AFF1: variants seen among roughly 807,000 people sequenced by gnomAD.
AFF1 encodes AF4/FMR2 family member 1.
In AFF1, 48 loss-of-function variants were observed where a neutral mutation model predicts 121.7. That is an observed-to-expected ratio of 0.39 (90% CI 0.31 to 0.50). The LOEUF (loss-of-function observed/expected upper bound fraction) is 0.50. AFF1 is among the 20% of genes least tolerant of loss of function. AFF1 has a pLI of 0.76. For synonymous variants in AFF1, 613 were observed against 563.0 expected (o/e 1.09, Z -1.26); for missense variants, 1,523 against 1,511.7 (o/e 1.01, Z -0.12).
chr4:87,041,385 G>A (rs894925354), intron 2 of AFF1, among the ~76,000 whole-genome samples: 4 of 152,170 alleles, frequency 2.6e-5, no homozygotes, highest in Non-Finnish European at 5.9e-5. Flanking sequence ...CAAAAAGGAT[G>A]TGCTGTCTTT....
In AFF1 at chr4:87,069,372, CCT is replaced by C. The variant is rs34760568; in HGVS notation, c.1060-14744_1060-14743del. On this transcript the variant is annotated intron_variant, in intron 4 of 20. Coordinates refer to ENST00000395146, the MANE Select transcript of AFF1 (RefSeq NM_001166693.3). Reference sequence around the variant, plus strand: ...AGATTATGGATTCATTCTCTCCCTCCCTCTCCTTCTGTCCCCATCTCCTCTCT... The same window carrying C: ...AGATTATGGATTCATTCTCTCCCTCCCTCCTTCTGTCCCCATCTCCTCTCT... Among the ~76,000 whole-genome samples the C allele has an allele frequency of 9.3e-3, 1,376 of 148,394 alleles. 14 individuals are homozygous for C. Among genetic ancestry groups the C allele is most frequent in the Middle Eastern group, 0.018 (5 of 276 alleles).
intron 2 of AFF1, among the ~76,000 whole-genome samples, chr4:86,959,496 T>TG (rs1273748584): frequency 1.5e-5 from 2 of 132,430 alleles, no homozygotes; most frequent in African/African-American, 2.5e-5. Context: ...ATACTCTTTT[T>TG]TTTTTTTTTT....
chr4:87,012,908 C>CT (rs563105833), intron 2 of AFF1, among the ~76,000 whole-genome samples: 89 of 152,212 alleles, frequency 5.8e-4, no homozygotes, highest in African/African-American at 2.0e-3. Flanking sequence ...AAAGCTTAAC[C>CT]TGATGGCCAC....
At chr4:87,034,097 G>T (rs533557154) in intron 2 of AFF1, among the ~76,000 whole-genome samples, 62 of 152,308 alleles carry the variant, frequency 4.1e-4, no homozygotes, top group Admixed American at 5.2e-4. Flanking sequence ...AGCACCTCTG[G>T]TGGCGGGGAC....
intron 2 of AFF1, among the ~76,000 whole-genome samples, chr4:86,978,592 G>T (rs1178281944): frequency 6.6e-6 from 1 of 152,054 alleles, no homozygotes; most frequent in African/African-American, 2.4e-5. Flanking sequence ...GCCCAAGCTG[G>T]AGTGCAGTGG....
intron 2 of AFF1, among the ~76,000 whole-genome samples, chr4:87,028,961 A>G (rs946436580): frequency 6.6e-6 from 1 of 152,098 alleles, no homozygotes; most frequent in Non-Finnish European, 1.5e-5. Flanking sequence ...CTTTTATTTC[A>G]TGGCCAGGGC....
intron 2 of AFF1, among the ~76,000 whole-genome samples, chr4:86,999,958 A>G (rs1283953066): frequency 2.0e-5 from 3 of 152,140 alleles, no homozygotes; most frequent in African/African-American, 4.8e-5. Flanking sequence ...CTGTAGTAAC[A>G]GAAAGGAAAG....
At position 87,115,231 on chromosome 4, in the gene AFF1, G is replaced by T. The variant is rs199822549; in HGVS notation, c.2398G>T (p.Ala800Ser). ...QRKAEDKQPP[A>S]GKKHSSEKRS... is the part of the protein sequence containing the mutation. ...GAAAGCAGAAGATAAACAGCCGCCC[G>T]CAGGGAAGAAGCACAGCTCTGAGAA... Residue 800 changes from alanine to serine, a missense_variant, in exon 12 of 21, where the codon GCA becomes TCA. By Grantham distance (99) the Ala-to-Ser change is moderately conservative. This residue lies in a region of AFF1 where 905 missense variants were observed against 842.5 expected (regional missense o/e 1.07). Transcript: ENST00000395146. 1.2e-6 allele frequency: 2 copies of T among 1,613,916 alleles called. No individual in the cohort carries two copies. The highest frequency in any genetic ancestry group is 1.7e-5 in the Admixed American group (1 of 59,986).
At chr4:87,112,946 A>G (rs1049057925) in intron 11 of AFF1, among the ~76,000 whole-genome samples, 3 of 152,248 alleles carry the variant, frequency 2.0e-5, no homozygotes, top group Non-Finnish European at 2.9e-5. Flanking sequence ...TTTCTATATG[A>G]TATGAAATTC....
At chr4:87,060,500 C>T (rs1720632598) in intron 4 of AFF1, among the ~76,000 whole-genome samples, 1 of 152,134 alleles carries the variant, frequency 6.6e-6, no homozygotes, top group Non-Finnish European at 1.5e-5. Flanking sequence ...AGGGCATACA[C>T]TCTTCTAGAC....
chr4:87,073,506 T>G (rs547396219), intron 4 of AFF1, among the ~76,000 whole-genome samples: 1 of 152,262 alleles, frequency 6.6e-6, no homozygotes, highest in East Asian at 1.9e-4. Flanking sequence ...TCCCCCGTTT[T>G]TTTTGTGTTT....
At chr4:87,082,274 C>A (rs1041948848) in intron 4 of AFF1, among the ~76,000 whole-genome samples, 3 of 151,994 alleles carry the variant, frequency 2.0e-5, no homozygotes, top group African/African-American at 7.3e-5. Context: ...TTACATTTAC[C>A]CTCATGTAAA....
In AFF1 at chr4:87,139,377, G is replaced by A. The variant is rs929104410; in HGVS notation, c.*3676G>A. On this transcript the variant is annotated 3_prime_UTR_variant, in exon 21 of 21. Coordinates refer to ENST00000395146, the MANE Select transcript of AFF1 (RefSeq NM_001166693.3). ...TTGTTTTGTTTTGTTTTGTTTTCTT[G>A]TACTTAAACCTGCTTGCTTCCTACC... The A allele has an allele frequency of 4.3e-6, 1 of 232,790 alleles. No individual in the cohort carries two copies. The allele number at this position is 232,790 out of a possible 1,614,324, so 14.4% of individuals were successfully genotyped here.
chr4:87,041,092 G>A (rs547235953), intron 2 of AFF1, among the ~76,000 whole-genome samples: 2 of 151,916 alleles, frequency 1.3e-5, no homozygotes, highest in African/African-American at 4.8e-5. Context: ...GGCCAAGCTG[G>A]TCTCGAACTC....
intron 1 of AFF1, among the ~76,000 whole-genome samples, chr4:86,947,155 G>C (rs896560801): frequency 2.0e-5 from 3 of 152,124 alleles, no homozygotes; most frequent in African/African-American, 7.2e-5. Context: ...GGATTGAGTT[G>C]GAGAATTGAG....
intron 5 of AFF1, 59 bp from the exon 6 acceptor site, chr4:87,089,925 T>A: frequency 8.0e-7 from 1 of 1,256,274 alleles, no homozygotes; most frequent in South Asian, 1.2e-5. Context: ...AAATGTTAAG[T>A]AGCAATGAAT....
At chr4:87,094,306 CT>C (rs1724607824) in intron 7 of AFF1, among the ~76,000 whole-genome samples, 1 of 152,160 alleles carries the variant, frequency 6.6e-6, no homozygotes, top group Non-Finnish European at 1.5e-5. Context: ...TATGTATTGA[CT>C]TGTGTACTTA....
chr4:87,023,418 CTT>C (rs1409636397), intron 2 of AFF1, among the ~76,000 whole-genome samples: 24 of 145,236 alleles, frequency 1.7e-4, no homozygotes, highest in African/African-American at 5.8e-4. Flanking sequence ...TACTTACTGA[CTT>C]ATTATAAAAA....
chr4:87,043,030 C>G (rs1283619772), intron 2 of AFF1, among the ~76,000 whole-genome samples: 1 of 152,184 alleles, frequency 6.6e-6, no homozygotes, highest in Non-Finnish European at 1.5e-5. Flanking sequence ...GGACTCTGAG[C>G]AGCCTGTTAG....
Sources: gnomAD v4.1 joint callset for allele counts (sites outside exome capture counted in the v4.1 genomes callset) on GRCh38, gnomAD v4.1.1 for gene constraint, gnomAD v4.1.1 regional missense constraint, MANE v1.5 for transcripts, NCBI Gene and HGNC (gene_info 2026-07-23, HGNC 2026-07-21) for gene names.